Variants in SLC45A4 observed in about 807,000 individuals in gnomAD.
SLC45A4 encodes solute carrier family 45 member 4.
Under a neutral mutation model 63.7 loss-of-function variants are expected in SLC45A4, and 32 were observed. That is an observed-to-expected ratio of 0.50 (90% CI 0.38 to 0.67). The LOEUF is 0.67. Among genes scored for constraint, SLC45A4 ranks in the 30% least tolerant of loss-of-function variants. The pLI is 0.00. For missense variants in SLC45A4, 1,027 were observed against 1,157.7 expected (o/e 0.89, Z 1.64); for synonymous variants, 535 against 510.0 (o/e 1.05, Z -0.66).
At chr8:141,233,634 C>A (rs924091614) in intron 2 of SLC45A4, among the ~76,000 whole-genome samples, 1 of 152,164 alleles carries the variant, frequency 6.6e-6, no homozygotes, top group African/African-American at 2.4e-5. Flanking sequence ...TTGCAGTGAG[C>A]CAAGAGTGCG....
At chr8:141,244,592 C>T (rs1828075988) in intron 2 of SLC45A4, among the ~76,000 whole-genome samples, 1 of 152,174 alleles carries the variant, frequency 6.6e-6, no homozygotes, top group Non-Finnish European at 1.5e-5. Flanking sequence ...AAGAGATGCA[C>T]ACACTGTGGA....
At chr8:141,303,339 C>T (rs1317871184) in intron 1 of SLC45A4, among the ~76,000 whole-genome samples, 1 of 144,296 alleles carries the variant, frequency 6.9e-6, no homozygotes, top group Non-Finnish European at 1.5e-5. Context: ...GGGGTTTTGC[C>T]GTGTTGCTCA....
chr8:141,236,292 G>A (rs764558585), intron 2 of SLC45A4, among the ~76,000 whole-genome samples: 6 of 152,074 alleles, frequency 3.9e-5, no homozygotes, highest in Admixed American at 2.0e-4. Context: ...CTTCCCTCTC[G>A]CCCAGCCCTG....
At chr8:141,257,860 G>T (rs1481387539) in intron 1 of SLC45A4, among the ~76,000 whole-genome samples, 1 of 152,130 alleles carries the variant, frequency 6.6e-6, no homozygotes, top group Non-Finnish European at 1.5e-5. Context: ...GCACCAGAGG[G>T]AGACACTCTG....
At chr8:141,219,473 T>C (rs528200491) in intron 4 of SLC45A4, among the ~76,000 whole-genome samples, 177 bp downstream of exon 4, 1 of 152,230 alleles carries the variant, frequency 6.6e-6, no homozygotes, top group South Asian at 2.1e-4. Context: ...CCCACTGTGC[T>C]TGGTGGTCAG....
At chr8:141,241,277 G>C (rs188025165) in intron 2 of SLC45A4, among the ~76,000 whole-genome samples, 1 of 152,262 alleles carries the variant, frequency 6.6e-6, no homozygotes, top group Non-Finnish European at 1.5e-5. Context: ...CACCGGCAAC[G>C]TGGTGGACAC....
chr8:141,270,510 C>CA lies in SLC45A4; in HGVS notation c.-400-15882dup, dbSNP rs796809547. On this transcript the variant is annotated intron_variant, in intron 1 of 8. Coordinates refer to ENST00000517878, the MANE Select transcript of SLC45A4 (RefSeq NM_001286646.2). ...ACAACATGGCAAAACCCCATCTTTA[C>CA]AAAAAAAAAAATTAGCCAGGTGTGG... is the stretch of plus-strand genomic sequence containing the variant. Among the ~76,000 whole-genome samples the CA allele has an allele frequency of 4.2e-3, 607 of 145,578 alleles. 8 individuals are homozygous for CA. Among genetic ancestry groups the CA allele is most frequent in the African/African-American group, 0.014 (550 of 39,994 alleles).
chr8:141,281,210 G>C (rs981831815), intron 1 of SLC45A4, among the ~76,000 whole-genome samples: 1 of 152,124 alleles, frequency 6.6e-6, no homozygotes, highest in Non-Finnish European at 1.5e-5. Context: ...GTGGTGGCAG[G>C]CGCCTGTAAT....
rs147581518 is a variant in SLC45A4, at chr8:141,212,216, G to A, written c.2282C>T (p.Pro761Leu). ...TCAGACCACGGACTCTGTCTCCACC[G>A]GTCCCTGCAGGCCCTCCTTCCGCGT... ...KLTRKEGLQG[P>L]VETESVTPAG... Residue 761 changes from proline to leucine, a missense_variant, in exon 8 of 9, where the codon CCG becomes CTG. Transcript: ENST00000517878. 2.6e-5 allele frequency: 35 copies of A among 1,358,118 alleles called. No homozygotes were observed. In the African/African-American group the frequency reaches 3.9e-4, roughly 15 times the overall value. The allele number at this position is 1,358,118 out of a possible 1,614,324, so 84.1% of individuals were successfully genotyped here. A position where few individuals can be genotyped will look rare whatever the true frequency, so the allele number is the denominator to read the frequency against.
intron 2 of SLC45A4, chr8:141,228,342 A>T: frequency 6.3e-7 from 1 of 1,586,048 alleles, no homozygotes; most frequent in Non-Finnish European, 8.6e-7. Flanking sequence ...CTCCTCTTCA[A>T]CAAGGAGGGG....
chr8:141,250,346 T>C (rs750734957), intron 2 of SLC45A4, among the ~76,000 whole-genome samples: 1 of 152,012 alleles, frequency 6.6e-6, no homozygotes, highest in Non-Finnish European at 1.5e-5. Context: ...CACTTTATTA[T>C]ATAAAATAGG....
rs1825890964 is a variant in SLC45A4, at chr8:141,212,388, A to T, written c.2110T>A (p.Phe704Ile). 5 of 1,613,710 alleles carry T rather than the reference A, an allele frequency of 3.1e-6. No homozygotes were observed. The East Asian group carries it at 1.1e-4, about 36-fold the overall frequency. The change falls in exon 8 of 9, where the codon TTC becomes ATC. Residue 704 changes from phenylalanine (F) to isoleucine (I), a missense_variant. Physicochemically the swap from Phe to Ile is conservative, Grantham distance 21. Transcript: ENST00000517878. ...AATGTGGCCGTCAGGAAGCCCAGGA[A>T]AGAGCCCACAGAGGCCACCATGGGG... ...VIPMVASVGSFLGFLTATFLV... is the reference protein window; with the variant it reads ...VIPMVASVGSILGFLTATFLV...
intron 1 of SLC45A4, among the ~76,000 whole-genome samples, chr8:141,262,404 A>T (rs201529156): frequency 6.9e-6 from 1 of 144,166 alleles, no homozygotes; most frequent in Non-Finnish European, 1.5e-5. Flanking sequence ...GCACAGCAAA[A>T]GAAACTACCA....
At position 141,218,568 on chromosome 8, in the gene SLC45A4, G is replaced by A. The variant is rs773528643; in HGVS notation, c.1072C>T (p.Arg358Cys). Residue 358 changes from arginine to cysteine, a missense_variant, in exon 5 of 9, where the codon CGC (arginine) becomes TGC (cysteine). By Grantham distance (180) the Arg-to-Cys change is radical. Transcript: ENST00000517878. ...GCTTCCTTGAGGAAGGTGGCCAGGC[G>A]GGGCAGCTTGGTCTTGGCGAGCTCC... Reference protein sequence around the residue: ...SQELAKTKLPRLATFLKEAAK... With the variant: ...SQELAKTKLPCLATFLKEAAK... The A allele has an allele frequency of 9.3e-6, 15 of 1,613,404 alleles. No individual in the cohort carries two copies. The highest frequency in any genetic ancestry group is 1.1e-5 in the Non-Finnish European group (13 of 1,179,938).
intron 1 of SLC45A4, among the ~76,000 whole-genome samples, chr8:141,307,784 T>G (rs1368802441): frequency 1.3e-5 from 1 of 78,832 alleles, no homozygotes; most frequent in Non-Finnish European, 2.3e-5. Flanking sequence ...CGGGTCCAAA[T>G]GAAGGCGCGC....
intron 2 of SLC45A4, among the ~76,000 whole-genome samples, chr8:141,244,452 G>A (rs542627248): frequency 3.3e-5 from 5 of 152,316 alleles, no homozygotes; most frequent in East Asian, 3.9e-4. Context: ...TTCCACACTG[G>A]GCATGGGAAC....
intron 2 of SLC45A4, among the ~76,000 whole-genome samples, chr8:141,243,314 G>C (rs112289258): frequency 4.6e-5 from 7 of 152,256 alleles, no homozygotes; most frequent in African/African-American, 1.7e-4. Context: ...GGTGCCCCCC[G>C]CCGCAGCAAG....
chr8:141,228,713 C>A lies in SLC45A4; in HGVS notation c.242-6948G>T, dbSNP rs1827177789. 5.1e-6 allele frequency: 4 copies of A among 784,822 alleles called. No individual in the cohort carries two copies. The South Asian group carries it at 2.0e-4, about 39-fold the overall frequency. The allele number at this position is 784,822 out of a possible 1,614,324, so 48.6% of individuals were successfully genotyped here. On this transcript the variant is annotated intron_variant, in intron 2 of 8. Transcript: ENST00000517878. ...GAGATTCCGGAAGCTTCCTGAAGAGCACAAAATGCAGGTCAGGCCATGTCC... is the reference window on the plus strand; with the variant it reads ...GAGATTCCGGAAGCTTCCTGAAGAGAACAAAATGCAGGTCAGGCCATGTCC...
At chr8:141,287,590 A>G (rs908655656) in intron 1 of SLC45A4, among the ~76,000 whole-genome samples, 2 of 152,174 alleles carry the variant, frequency 1.3e-5, no homozygotes, top group African/African-American at 4.8e-5. Context: ...TTCTGTGAAC[A>G]CTAGCATGTA....
Sources: allele counts gnomAD v4.1 joint callset (sites outside exome capture counted in the v4.1 genomes callset), GRCh38; gene constraint gnomAD v4.1.1; transcripts MANE v1.5; gene names NCBI Gene and HGNC (gene_info 2026-07-23, HGNC 2026-07-21).